Variants in SPMAP2L observed in about 807,000 individuals in gnomAD.
The protein encoded by SPMAP2L is sperm microtubule associated protein 2-like.
the SPMAP2L span, chr4:56,596,647 C>A: frequency 1.3e-6 from 2 of 1,500,034 alleles, no homozygotes; most frequent in South Asian, 1.3e-5. Context: ...CCATCGCTAC[C>A]TTGGTATCCT....
At chr4:56,543,925 T>C in the SPMAP2L span, among the ~76,000 whole-genome samples, 1 of 93,366 alleles carries the variant, frequency 1.1e-5, no homozygotes, top group East Asian at 3.9e-4. Flanking sequence ...TGTGTGTGTG[T>C]ATGTGAGAGA....
At chr4:56,610,477 C>A in the SPMAP2L span, among the ~76,000 whole-genome samples, 1 of 152,144 alleles carries the variant, frequency 6.6e-6, no homozygotes, top group Admixed American at 6.5e-5. Flanking sequence ...AATCTAAGAC[C>A]TGACACTATA....
chr4:56,555,223 G>GCCA, the SPMAP2L span, among the ~76,000 whole-genome samples: 1 of 152,120 alleles, frequency 6.6e-6, no homozygotes, highest in Non-Finnish European at 1.5e-5. Flanking sequence ...ACAGGCATGA[G>GCCA]CCACCGTGCC....
the SPMAP2L span, among the ~76,000 whole-genome samples, chr4:56,543,916 G>A: frequency 1.1e-4 from 16 of 140,880 alleles, no homozygotes; most frequent in African/African-American, 4.1e-4. Context: ...GTGTGTGTGT[G>A]TGTGTGTGTA....
chr4:56,614,388 C>T, the SPMAP2L span, among the ~76,000 whole-genome samples: 1 of 152,098 alleles, frequency 6.6e-6, no homozygotes, highest in South Asian at 2.1e-4. Flanking sequence ...GGTGTGGTGG[C>T]TCACATCTGT....
chr4:56,563,090 C>CTTTTTTT, the SPMAP2L span, among the ~76,000 whole-genome samples: 10 of 98,266 alleles, frequency 1.0e-4, no homozygotes, highest in Admixed American at 3.2e-4. Context: ...GTTGTTAAGG[C>CTTTTTTT]TTTTTTTTTT....
the SPMAP2L span, among the ~76,000 whole-genome samples, chr4:56,563,028 T>A: frequency 6.6e-5 from 10 of 151,472 alleles, no homozygotes; most frequent in East Asian, 1.7e-3. Context: ...GAATTTTTAA[T>A]TATATCCATG....
At chr4:56,551,845 C>A in the SPMAP2L span, among the ~76,000 whole-genome samples, 1 of 152,214 alleles carries the variant, frequency 6.6e-6, no homozygotes, top group South Asian at 2.1e-4. Flanking sequence ...CCCTCCTCTA[C>A]CTTGTAGCTC....
the SPMAP2L span, among the ~76,000 whole-genome samples, chr4:56,544,148 C>T: frequency 6.6e-6 from 1 of 152,004 alleles, no homozygotes; most frequent in Non-Finnish European, 1.5e-5. Flanking sequence ...GCCACCACGC[C>T]CGGCTAATAT....
the SPMAP2L span, among the ~76,000 whole-genome samples, chr4:56,574,191 G>A: frequency 6.6e-6 from 1 of 151,938 alleles, no homozygotes. Context: ...AGGCTGAGAC[G>A]GGAGAATCAC....
At chr4:56,574,222 C>T in the SPMAP2L span, among the ~76,000 whole-genome samples, 1 of 152,008 alleles carries the variant, frequency 6.6e-6, no homozygotes, top group Non-Finnish European at 1.5e-5. Context: ...GCATTCGAGG[C>T]TAGCCTAGAT....
At chr4:56,534,364 T>C in the SPMAP2L span, among the ~76,000 whole-genome samples, 1 of 152,246 alleles carries the variant, frequency 6.6e-6, no homozygotes. Flanking sequence ...ACCTCTGTTG[T>C]CCTACCTCAC....
the SPMAP2L span, among the ~76,000 whole-genome samples, chr4:56,547,024 G>A: frequency 3.3e-5 from 5 of 152,066 alleles, no homozygotes; most frequent in Non-Finnish European, 7.3e-5. Context: ...CGTCATTTGT[G>A]TTCTCTCCAT....
chr4:56,593,808 C>T, the SPMAP2L span: 29 of 1,605,394 alleles, frequency 1.8e-5, no homozygotes, highest in Non-Finnish European at 2.4e-5. Flanking sequence ...ATCTGTACAG[C>T]TCAGGCCCTC....
the SPMAP2L span, among the ~76,000 whole-genome samples, chr4:56,583,765 G>T: frequency 6.6e-6 from 1 of 152,016 alleles, no homozygotes; most frequent in Non-Finnish European, 1.5e-5. Context: ...GGAGGAATTG[G>T]TATAGAATGA....
chr4:56,534,948 C>A, the SPMAP2L span, among the ~76,000 whole-genome samples: 1 of 152,064 alleles, frequency 6.6e-6, no homozygotes, highest in Non-Finnish European at 1.5e-5. Context: ...CAACAAACAA[C>A]AACAACAACA....
the SPMAP2L span, among the ~76,000 whole-genome samples, chr4:56,543,422 G>C: frequency 6.6e-6 from 1 of 152,102 alleles, no homozygotes; most frequent in Non-Finnish European, 1.5e-5. Flanking sequence ...GCTGGGCATG[G>C]TGGCTCACAC....
the SPMAP2L span, chr4:56,552,738 T>C: frequency 3.1e-6 from 2 of 639,440 alleles, no homozygotes; most frequent in South Asian, 3.8e-5. Context: ...CACCTCATTG[T>C]AGTCAGCATG....
chr4:56,613,609 G>A, the SPMAP2L span, among the ~76,000 whole-genome samples: 2 of 152,190 alleles, frequency 1.3e-5, no homozygotes, highest in Non-Finnish European at 2.9e-5. Context: ...AGTCAGGAAT[G>A]TCCCAGAGCT....
Sources: gnomAD v4.1 joint callset for allele counts (sites outside exome capture counted in the v4.1 genomes callset) on GRCh38, gnomAD v4.1.1 for gene constraint, MANE v1.5 for transcripts, NCBI Gene and HGNC (gene_info 2026-07-23, HGNC 2026-07-21) for gene names.